Variants in HELZ observed in about 807,000 individuals in gnomAD.
HELZ encodes helicase with zinc finger, also known as ATP-dependent RNA helicase with zinc finger domain.
Under a neutral mutation model 218.2 loss-of-function variants are expected in HELZ, and 23 were observed. The observed-to-expected ratio is 0.11, with a 90% confidence interval of 0.08 to 0.15. The LOEUF (loss-of-function observed/expected upper bound fraction) is 0.15. Among genes scored for constraint, HELZ ranks in the 10% least tolerant of loss-of-function variants. The pLI is 1.00. For synonymous variants in HELZ, 814 were observed against 829.4 expected (o/e 0.98, Z 0.32); for missense variants, 1,813 against 2,353.7 (o/e 0.77, Z 4.75).
intron 22 of HELZ, among the ~76,000 whole-genome samples, chr17:67,136,464 T>C (rs1359757468): frequency 6.6e-6 from 1 of 152,068 alleles, no homozygotes; most frequent in Non-Finnish European, 1.5e-5. Context: ...TCAAAAGAAC[T>C]GAAAGGAGTG....
intron 16 of HELZ, among the ~76,000 whole-genome samples, chr17:67,160,658 G>A (rs2038969013): frequency 6.6e-6 from 1 of 152,108 alleles, no homozygotes; most frequent in Non-Finnish European, 1.5e-5. Context: ...TGTTCTGATG[G>A]CTATTTAAAA....
chr17:67,232,052 CAAAAAA>C (rs754429326), intron 3 of HELZ, among the ~76,000 whole-genome samples: 8 of 42,484 alleles, frequency 1.9e-4, no homozygotes, highest in Admixed American at 4.7e-4. Flanking sequence ...GACTCCATCT[CAAAAAA>C]AAAAAAAAAA....
intron 3 of HELZ, among the ~76,000 whole-genome samples, chr17:67,224,025 C>T (rs1181283047): frequency 6.6e-6 from 1 of 152,160 alleles, no homozygotes; most frequent in East Asian, 1.9e-4. Flanking sequence ...GATTTCCCTT[C>T]GAGAATTCAC....
intron 15 of HELZ, among the ~76,000 whole-genome samples, chr17:67,162,439 T>C (rs1013413094): frequency 1.3e-5 from 2 of 152,202 alleles, no homozygotes; most frequent in African/African-American, 2.4e-5. Context: ...GGCTTATTTA[T>C]TCATAATTCT....
At position 67,234,059 on chromosome 17, in the gene HELZ, A is replaced by AAAG. The variant is rs1555629327; in HGVS notation, c.-19+5373_-19+5374insCTT. 7.5e-3 allele frequency among the ~76,000 whole-genome samples: 1,119 copies of AAAG among 148,540 alleles called. 11 individuals carry two copies. Among genetic ancestry groups the AAAG allele is most frequent in the South Asian group, 0.014 (63 of 4,644 alleles). The stretch of plus-strand genomic sequence containing the variant: ...ACTCCATCTCAAAAAAAAAAAAAAA[A>AAAG]AGAGAGAGAGAGAGAGAACTTTGGG... On this transcript the variant is annotated intron_variant, in intron 3 of 32. Coordinates refer to ENST00000358691, the MANE Select transcript of HELZ (RefSeq NM_014877.4).
chr17:67,216,350 G>A (rs898223534), intron 4 of HELZ, among the ~76,000 whole-genome samples: 1 of 152,012 alleles, frequency 6.6e-6, no homozygotes. Context: ...GTCAACCTAC[G>A]CCTGTGCAGA....
chr17:67,128,461 G>A (rs2037872007), intron 24 of HELZ, 190 bp downstream of exon 24: 3 of 614,564 alleles, frequency 4.9e-6, no homozygotes, highest in South Asian at 2.0e-5. Context: ...ATAACATTAA[G>A]CATGACTAAA....
At chr17:67,151,490 A>G (rs1007415480) in intron 17 of HELZ, among the ~76,000 whole-genome samples, 1 of 152,248 alleles carries the variant, frequency 6.6e-6, no homozygotes, top group Non-Finnish European at 1.5e-5. Flanking sequence ...TGTTCAGAGT[A>G]ATCTTGCAAC....
Position 67,166,472 on chromosome 17 carries a change from T to C in HELZ, c.1895+6A>G, listed in dbSNP as rs780562255. ...CTTCCTTTAATAAGATATCGCCTTT[T>C]TGTACCTGTTAGGACTCCATGGTAT... On this transcript the variant is annotated splice_donor_region_variant and intron_variant, in intron 15 of 32. Coordinates refer to ENST00000358691, the MANE Select transcript of HELZ (RefSeq NM_014877.4). 73 of 1,607,848 alleles carry C rather than the reference T, an allele frequency of 4.5e-5. No homozygotes were observed. Among genetic ancestry groups the C allele is most frequent in the Non-Finnish European group, 6.1e-5 (72 of 1,176,148 alleles).
intron 19 of HELZ, among the ~76,000 whole-genome samples, chr17:67,149,099 C>G (rs1168386281): frequency 6.6e-6 from 1 of 152,160 alleles, no homozygotes; most frequent in African/African-American, 2.4e-5. Context: ...GTAGGACATA[C>G]AGCCTACCAC....
At chr17:67,175,610 T>C (rs2039433769) in intron 13 of HELZ, among the ~76,000 whole-genome samples, 2 of 152,258 alleles carry the variant, frequency 1.3e-5, no homozygotes, top group Non-Finnish European at 2.9e-5. Context: ...TTATAGGATC[T>C]GTTTCTTTGT....
intron 21 of HELZ, among the ~76,000 whole-genome samples, chr17:67,140,194 T>C (rs1022497806): frequency 2.6e-5 from 4 of 152,166 alleles, no homozygotes; most frequent in African/African-American, 9.7e-5. Flanking sequence ...GATGGCAGCA[T>C]GGATTACACA....
chr17:67,160,784 T>C (rs2038972734), intron 16 of HELZ, 113 bp downstream of exon 16: 1 of 741,266 alleles, frequency 1.3e-6, no homozygotes, highest in Non-Finnish European at 2.0e-6. Flanking sequence ...TCTCTTTTTT[T>C]CATGTTTAAG....
intron 32 of HELZ, among the ~76,000 whole-genome samples, chr17:67,079,358 T>C (rs2036115965): frequency 6.6e-6 from 1 of 152,196 alleles, no homozygotes; most frequent in South Asian, 2.1e-4. Flanking sequence ...AGCCTTAAGT[T>C]GTTGTTTTAT....
At chr17:67,194,132 C>A in intron 8 of HELZ, 90 bp from the exon 9 acceptor site, 2 of 849,672 alleles carry the variant, frequency 2.4e-6, no homozygotes, top group Non-Finnish European at 1.9e-6. Context: ...AATCCCTCCA[C>A]ATACATCATC....
chr17:67,224,197 T>C (rs1223546306), intron 3 of HELZ: 1 of 155,674 alleles, frequency 6.4e-6, no homozygotes, highest in Non-Finnish European at 1.4e-5. Flanking sequence ...TGAGACACCA[T>C]GAGACTCGCT....
At chr17:67,207,495 C>T (rs1361107661) in intron 5 of HELZ, among the ~76,000 whole-genome samples, 1 of 152,046 alleles carries the variant, frequency 6.6e-6, no homozygotes, top group Non-Finnish European at 1.5e-5. Context: ...GCTGGGATTA[C>T]AGGTGTGAGC....
At chr17:67,157,494 C>T (rs1373757884) in intron 17 of HELZ, among the ~76,000 whole-genome samples, 1 of 152,166 alleles carries the variant, frequency 6.6e-6, no homozygotes, top group Non-Finnish European at 1.5e-5. Context: ...TTTTGTGCAA[C>T]ATTTAAGTTA....
chr17:67,149,739 C>T lies in HELZ; in HGVS notation c.2475+128G>A, dbSNP rs2038616209. ...ATAACAGTATTTTTCACTATTAGTACAGAACTATTTGAAGTACTAAAGTTA... is the reference window on the plus strand; with the variant it reads ...ATAACAGTATTTTTCACTATTAGTATAGAACTATTTGAAGTACTAAAGTTA... On this transcript the variant is annotated intron_variant, in intron 19 of 32. Coordinates refer to ENST00000358691, the MANE Select transcript of HELZ (RefSeq NM_014877.4). 7.7e-6 allele frequency: 4 copies of T among 518,756 alleles called. No individual in the cohort carries two copies. The Admixed American group carries it at 1.1e-4, about 14-fold the overall frequency. 32.1% of individuals were successfully genotyped at this position (518,756 alleles called of 1,614,324 possible). A position where few individuals can be genotyped will look rare whatever the true frequency, so the allele number is the denominator to read the frequency against.
Sources: gnomAD v4.1 joint callset for allele counts (sites outside exome capture counted in the v4.1 genomes callset) on GRCh38, gnomAD v4.1.1 for gene constraint, MANE v1.5 for transcripts, NCBI Gene and HGNC (gene_info 2026-07-23, HGNC 2026-07-21) for gene names.